FNDC3A: variants seen among roughly 807,000 people sequenced by gnomAD.
FNDC3A encodes the protein fibronectin type-III domain-containing protein 3A.
Under a neutral mutation model 148.9 loss-of-function variants are expected in FNDC3A, and 32 were observed. The ratio of observed to expected loss-of-function variants is 0.21; its 90% CI spans 0.16 to 0.29. The LOEUF (loss-of-function observed/expected upper bound fraction) is 0.29, where lower values mean the gene tolerates loss of function less well. Among genes scored for constraint, FNDC3A ranks in the 10% least tolerant of loss-of-function variants. The pLI is 1.00. For missense variants in FNDC3A, 1,191 were observed against 1,452.8 expected, an observed-to-expected ratio of 0.82 and a Z score of 2.93; for synonymous variants, 472 against 473.6, an observed-to-expected ratio of 1.00 and a Z score of 0.04.
chr13:49,086,570 C>T (rs1048404528), intron 3 of FNDC3A, among the ~76,000 whole-genome samples: 1 of 152,078 alleles, frequency 6.6e-6, no homozygotes, highest in Non-Finnish European at 1.5e-5. Context: ...GCAAATCAGA[C>T]CAAGTTCTAC....
At chr13:49,051,707 G>A (rs184444464) in intron 2 of FNDC3A, among the ~76,000 whole-genome samples, 2 of 152,194 alleles carry the variant, frequency 1.3e-5, no homozygotes, top group African/African-American at 2.4e-5. Context: ...CTTGTATTTG[G>A]TTGTCTAGAT....
chr13:49,089,128 C>T (rs1879022181), intron 3 of FNDC3A, among the ~76,000 whole-genome samples: 1 of 151,960 alleles, frequency 6.6e-6, no homozygotes, highest in Non-Finnish European at 1.5e-5. Context: ...GATAGTTGCA[C>T]AACAATGTAA....
intron 4 of FNDC3A, among the ~76,000 whole-genome samples, chr13:49,130,047 A>G: frequency 6.6e-6 from 1 of 152,254 alleles, no homozygotes; most frequent in South Asian, 2.1e-4. Flanking sequence ...AATAATTACC[A>G]TATAAGTCTA....
At chr13:48,986,250 T>C (rs1566174415) in intron 1 of FNDC3A, among the ~76,000 whole-genome samples, 1 of 152,134 alleles carries the variant, frequency 6.6e-6, no homozygotes, top group East Asian at 1.9e-4. Flanking sequence ...ATGTAGTTTT[T>C]TTAAAGTCCC....
chr13:49,039,817 C>T (rs1396515623), intron 2 of FNDC3A, among the ~76,000 whole-genome samples: 1 of 152,120 alleles, frequency 6.6e-6, no homozygotes, highest in Non-Finnish European at 1.5e-5. Context: ...CGGATTCAAG[C>T]GATCCTCCTG....
At chr13:49,058,526 G>A (rs1325913373) in intron 2 of FNDC3A, among the ~76,000 whole-genome samples, 1 of 152,072 alleles carries the variant, frequency 6.6e-6, no homozygotes, top group Non-Finnish European at 1.5e-5. Context: ...TGTAAGAAGA[G>A]GAAATTTGGA....
chr13:49,194,077 A>G (rs1369958908), intron 19 of FNDC3A, among the ~76,000 whole-genome samples: 1 of 152,152 alleles, frequency 6.6e-6, no homozygotes, highest in Non-Finnish European at 1.5e-5. Context: ...CCTGGCCAAC[A>G]TCGGGAAACC....
chr13:49,145,752 A>C (rs984310344), intron 7 of FNDC3A, 26 bp from the exon 8 acceptor site: 1 of 1,605,176 alleles, frequency 6.2e-7, no homozygotes, highest in African/African-American at 1.3e-5. Flanking sequence ...TGTTTTAAAG[A>C]ACTTTTAAAT....
In FNDC3A at chr13:49,207,111, T is replaced by C. The variant is rs1886684463; in HGVS notation, c.3313T>C (p.Tyr1105His). ...CAAGGGTCCCGACTCTTCCTTCCGGTATTCCAGCCTTCAGCTGAACTGTGA... is the reference window on the plus strand; with the variant it reads ...CAAGGGTCCCGACTCTTCCTTCCGGCATTCCAGCCTTCAGCTGAACTGTGA... ...IYKGPDSSFR[Y>H]SSLQLNCEYR... The change falls in exon 26 of 26, where the codon TAT becomes CAT. Residue 1105 changes from tyrosine (Y) to histidine (H), a missense_variant. By Grantham distance (83) the Tyr-to-His change is moderately conservative. Around this residue, in one of 3 missense-constraint regions of FNDC3A, gnomAD observed 751 missense variants for 944.0 expected, o/e 0.80. Transcript: ENST00000492622. The C allele has an allele frequency of 6.2e-7, 1 of 1,614,126 alleles. No homozygotes were observed. Among genetic ancestry groups the C allele is most frequent in the Non-Finnish European group, 8.5e-7 (1 of 1,179,940 alleles).
At chr13:49,059,647 G>A (rs538030771) in intron 2 of FNDC3A, among the ~76,000 whole-genome samples, 4 of 151,892 alleles carry the variant, frequency 2.6e-5, no homozygotes, top group Admixed American at 2.0e-4. Context: ...GTAGAGACAG[G>A]GTTTCACCAT....
chr13:49,001,458 A>G (rs1001735807), intron 1 of FNDC3A, among the ~76,000 whole-genome samples: 6 of 152,222 alleles, frequency 3.9e-5, no homozygotes, highest in Admixed American at 1.3e-4. Flanking sequence ...TGTTCAGGGA[A>G]CAAGAGAGAT....
intron 1 of FNDC3A, among the ~76,000 whole-genome samples, chr13:48,995,235 T>C (rs532988040): frequency 1.3e-5 from 2 of 152,230 alleles, no homozygotes; most frequent in African/African-American, 4.8e-5. Flanking sequence ...TATTTATTTC[T>C]TTTTTAATAT....
chr13:49,113,299 T>C lies in FNDC3A; in HGVS notation c.176-1356T>C, dbSNP rs1366361508. ...ACTTTCCCCACTTTCCTTACCCCTG[T>C]TTAGTATTTTCCGTCACCCCGTTTA... On this transcript the variant is annotated intron_variant, in intron 3 of 25. Coordinates refer to ENST00000492622, the MANE Select transcript of FNDC3A (RefSeq NM_001079673.2). Among the ~76,000 whole-genome samples, 8 of 48,364 alleles carry C rather than the reference T, an allele frequency of 1.7e-4. No individual in the cohort carries two copies. In the East Asian group the frequency reaches 4.9e-3, roughly 30 times the overall value. The allele number at this position is 48,364 out of a possible 152,430, so 31.7% of individuals were successfully genotyped here.
chr13:49,178,135 T>G (rs998313733), intron 13 of FNDC3A, among the ~76,000 whole-genome samples: 14 of 152,206 alleles, frequency 9.2e-5, no homozygotes, highest in Admixed American at 6.5e-4. Flanking sequence ...CCAGCACAAT[T>G]AACCCTTCAA....
chr13:49,105,367 A>T (rs1263664361), intron 3 of FNDC3A, among the ~76,000 whole-genome samples: 2 of 152,214 alleles, frequency 1.3e-5, no homozygotes, highest in African/African-American at 4.8e-5. Context: ...ACATTTGCAC[A>T]TGTGAGCTGA....
intron 1 of FNDC3A, among the ~76,000 whole-genome samples, chr13:49,001,553 G>A (rs1456302995): frequency 1.3e-5 from 2 of 152,132 alleles, no homozygotes; most frequent in Non-Finnish European, 2.9e-5. Context: ...AAACATCACT[G>A]AATTCTTTTT....
intron 19 of FNDC3A, among the ~76,000 whole-genome samples, chr13:49,196,224 T>C (rs187352398): frequency 4.6e-5 from 7 of 152,242 alleles, no homozygotes; most frequent in Admixed American, 3.9e-4. Context: ...AAAATACCAG[T>C]GTATTGGGGC....
chr13:49,172,776 T>G lies in FNDC3A; in HGVS notation c.1230+680T>G, dbSNP rs540849636. ...GTCCCACCTACCATATAAGGTTATA[T>G]TCACAGGTTCAGGGGATTGGGACCT... On this transcript the variant is annotated intron_variant, in intron 11 of 25. Transcript: ENST00000492622. 3.3e-5 allele frequency among the ~76,000 whole-genome samples: 5 copies of G among 152,298 alleles called. No homozygotes were observed. In the East Asian group the frequency reaches 9.7e-4, roughly 29 times the overall value.
intron 5 of FNDC3A, among the ~76,000 whole-genome samples, chr13:49,134,042 T>G (rs1882186470): frequency 6.6e-6 from 1 of 152,222 alleles, no homozygotes; most frequent in Non-Finnish European, 1.5e-5. Context: ...GTTTTTAATA[T>G]ATTTACTTTA....
Sources: allele counts gnomAD v4.1 joint callset (sites outside exome capture counted in the v4.1 genomes callset), GRCh38; gene constraint gnomAD v4.1.1; regional missense constraint gnomAD v4.1.1; transcripts MANE v1.5; gene names NCBI Gene and HGNC (gene_info 2026-07-23, HGNC 2026-07-21).